EBF3: variants seen among roughly 807,000 people sequenced by gnomAD.
EBF3 encodes EBF transcription factor 3.
In EBF3, 18 loss-of-function variants were observed where a neutral mutation model predicts 77.1. That is an observed-to-expected ratio of 0.23 (90% CI 0.16 to 0.35). The LOEUF (loss-of-function observed/expected upper bound fraction) is 0.35. EBF3 is among the 10% of genes least tolerant of loss of function. The pLI is 1.00. For synonymous variants in EBF3, 350 were observed against 343.5 expected, an observed-to-expected ratio of 1.02 and a Z score of -0.21; for missense variants, 558 against 860.0, an observed-to-expected ratio of 0.65 and a Z score of 4.39.
chr10:129,854,019 T>C (rs925913828), intron 10 of EBF3, among the ~76,000 whole-genome samples: 3 of 152,154 alleles, frequency 2.0e-5, no homozygotes, highest in Admixed American at 2.0e-4. Flanking sequence ...AAAAGTTGCA[T>C]TAAAAATGTG....
rs1192553041 is a variant in EBF3, at chr10:129,835,835, T to C, written c.*2108A>G. 3 of 148,506 alleles carry C rather than the reference T, an allele frequency of 2.0e-5. No individual in the cohort carries two copies. The East Asian group carries it at 6.1e-4, about 30-fold the overall frequency. 9.2% of individuals were successfully genotyped at this position (148,506 alleles called of 1,614,324 possible). ...TGTGCCGTGTCTGCAAAGCACTTAG[T>C]GCAAAGGAGAAAGAAAAAAAAAAAA... is the stretch of plus-strand genomic sequence containing the variant. On this transcript the variant is annotated 3_prime_UTR_variant, in exon 17 of 17. Transcript: ENST00000440978.
At chr10:129,865,020 C>T (rs1411756371) in intron 10 of EBF3, among the ~76,000 whole-genome samples, 1 of 152,200 alleles carries the variant, frequency 6.6e-6, no homozygotes, top group Non-Finnish European at 1.5e-5. Flanking sequence ...AGCATATGCC[C>T]AGGTCCCAGT....
At position 129,897,213 on chromosome 10, in the gene EBF3, A is replaced by AG. The variant is rs1310714471; in HGVS notation, c.555-19365dup. Among the ~76,000 whole-genome samples the AG allele has an allele frequency of 6.6e-6, 1 of 152,154 alleles. No individual in the cohort carries two copies. The highest frequency in any genetic ancestry group is 2.4e-5 in the African/African-American group (1 of 41,416). Reference sequence around the variant, plus strand: ...ACACGGGCCCTCCACGCAGCCAGGAAGGGGTTCTGCTCTTCCTGTCCAAGT... The same window carrying AG: ...ACACGGGCCCTCCACGCAGCCAGGAAGGGGGTTCTGCTCTTCCTGTCCAAGT... On this transcript the variant is annotated intron_variant, in intron 6 of 16. Coordinates refer to ENST00000440978, the MANE Select transcript of EBF3 (RefSeq NM_001375380.1). The surrounding 1 kb of genome is among the most constrained non-coding windows in gnomAD (Gnocchi z 4.6).
intron 6 of EBF3, among the ~76,000 whole-genome samples, chr10:129,930,925 CT>C (rs199856322): frequency 0.03 from 4,327 of 144,694 alleles, 125 homozygotes; most frequent in African/African-American, 0.059. Flanking sequence ...ACAAATCCCC[CT>C]CTCATATATC....
intron 10 of EBF3, among the ~76,000 whole-genome samples, chr10:129,852,436 G>C (rs1850951598): frequency 6.6e-6 from 1 of 152,194 alleles, no homozygotes; most frequent in Admixed American, 6.5e-5. Flanking sequence ...GCTGGGGCCA[G>C]AGCAGCTCCA....
rs1851852492 is a variant in EBF3 at position 129,864,400 on chromosome 10, T to C, written c.1039+2741A>G. On this transcript the variant is annotated intron_variant, in intron 10 of 16. Coordinates refer to ENST00000440978, the MANE Select transcript of EBF3 (RefSeq NM_001375380.1). This position sits in a 1 kb window ranked among gnomAD's most constrained non-coding sequence, Gnocchi z 4.4. Reference sequence around the variant, plus strand: ...GTCTCCAAATGCACAGCCCAAGGCCTTTCTCTGCAGCACTGGGGACAGAAT... The same window carrying C: ...GTCTCCAAATGCACAGCCCAAGGCCCTTCTCTGCAGCACTGGGGACAGAAT... 6.6e-6 allele frequency among the ~76,000 whole-genome samples: 1 copy of C among 152,160 alleles called. No individual in the cohort carries two copies. The highest frequency in any genetic ancestry group is 2.4e-5 in the African/African-American group (1 of 41,432).
At chr10:129,942,781 T>A (rs1241495582) in intron 6 of EBF3, among the ~76,000 whole-genome samples, 1 of 152,200 alleles carries the variant, frequency 6.6e-6, no homozygotes, top group African/African-American at 2.4e-5. Flanking sequence ...CAATAAAAAA[T>A]TGTATTAAAT....
intron 14 of EBF3, 99 bp downstream of exon 14, chr10:129,840,745 C>G: frequency 6.7e-7 from 1 of 1,483,370 alleles, no homozygotes; most frequent in Non-Finnish European, 9.1e-7. Flanking sequence ...TTCCTTTTAT[C>G]CAGTAGCTCA....
At chr10:129,937,146 C>T (rs559484007) in intron 6 of EBF3, among the ~76,000 whole-genome samples, 8 of 152,146 alleles carry the variant, frequency 5.3e-5, no homozygotes, top group East Asian at 1.9e-4. Flanking sequence ...GCAATCGTGC[C>T]GGGAACAAGA....
chr10:129,883,562 G>A (rs1010158527), intron 6 of EBF3, among the ~76,000 whole-genome samples: 7 of 152,310 alleles, frequency 4.6e-5, no homozygotes, highest in South Asian at 2.1e-4. Flanking sequence ...CAAAGTGTTC[G>A]TGTGTGAATC....
intron 3 of EBF3, 57 bp from the exon 4 acceptor site, chr10:129,962,283 G>A: frequency 1.3e-6 from 2 of 1,553,336 alleles, no homozygotes; most frequent in Non-Finnish European, 8.9e-7. Flanking sequence ...CCTCGGGGAG[G>A]GCACACGGAG....
intron 10 of EBF3, among the ~76,000 whole-genome samples, chr10:129,865,777 C>A (rs1589739603): frequency 6.6e-6 from 1 of 152,242 alleles, no homozygotes; most frequent in Non-Finnish European, 1.5e-5. Flanking sequence ...CCTCTTTAAA[C>A]CTTCTGAAAG....
chr10:129,840,489 C>T, intron 14 of EBF3, 47 bp from the exon 15 acceptor site: 1 of 1,532,438 alleles, frequency 6.5e-7, no homozygotes, highest in East Asian at 2.5e-5. Flanking sequence ...CGGCACAGCG[C>T]CACGGCGAGA....
chr10:129,922,466 T>TG (rs34168505), intron 6 of EBF3, among the ~76,000 whole-genome samples: 1 of 152,126 alleles, frequency 6.6e-6, no homozygotes, highest in Non-Finnish European at 1.5e-5. Context: ...CTCTGTAGGG[T>TG]GGGGGGTGCC....
chr10:129,939,981 C>T (rs746291793), intron 6 of EBF3, among the ~76,000 whole-genome samples: 26 of 152,358 alleles, frequency 1.7e-4, no homozygotes, highest in African/African-American at 4.1e-4. Flanking sequence ...GGTACCATTC[C>T]TGGCAGCTTC....
intron 6 of EBF3, among the ~76,000 whole-genome samples, chr10:129,915,911 G>A (rs192470963): frequency 8.1e-4 from 123 of 152,286 alleles, no homozygotes; most frequent in African/African-American, 2.8e-3. Context: ...CTGGGGAGAC[G>A]GGGAGGGTGC....
chr10:129,876,888 C>T (rs1049675012), intron 7 of EBF3, among the ~76,000 whole-genome samples: 5 of 56,586 alleles, frequency 8.8e-5, no homozygotes, highest in African/African-American at 2.8e-4. Context: ...TCCCTGAACC[C>T]CCCCCCCCCC....
intron 6 of EBF3, among the ~76,000 whole-genome samples, chr10:129,902,293 G>A (rs767187223): frequency 8.0e-5 from 12 of 150,038 alleles, no homozygotes; most frequent in Non-Finnish European, 1.5e-4. Flanking sequence ...TTGGGGTGAA[G>A]TGGTCCACCT....
intron 6 of EBF3, among the ~76,000 whole-genome samples, chr10:129,937,068 C>G (rs1258885088): frequency 6.6e-6 from 1 of 152,212 alleles, no homozygotes; most frequent in Non-Finnish European, 1.5e-5. Flanking sequence ...ATTCGGGCCC[C>G]AAGGGCTGCA....
Sources: allele counts gnomAD v4.1 joint callset (sites outside exome capture counted in the v4.1 genomes callset), GRCh38; gene constraint gnomAD v4.1.1; non-coding constraint Gnocchi (gnomAD v3.1); transcripts MANE v1.5; gene names NCBI Gene and HGNC (gene_info 2026-07-23, HGNC 2026-07-21).